DGKI: variants seen among roughly 807,000 people sequenced by gnomAD.
DGKI encodes the protein DAG kinase iota.
DGKI carries 55 observed loss-of-function variants against 147.5 expected under a neutral mutation model. The observed-to-expected ratio is 0.37, with a 90% CI of 0.30 to 0.47. The LOEUF (loss-of-function observed/expected upper bound fraction) is 0.47, where lower values mean the gene tolerates loss of function less well. Among genes scored for constraint, DGKI ranks in the 20% least tolerant of loss-of-function variants. The pLI, the probability that DGKI is intolerant of heterozygous loss-of-function variation, is 1.00. For missense variants in DGKI, 1,007 were observed against 1,323.8 expected, an observed-to-expected ratio of 0.76 and a Z score of 3.71; for synonymous variants, 469 against 477.1, an observed-to-expected ratio of 0.98 and a Z score of 0.22.
intron 14 of DGKI, among the ~76,000 whole-genome samples, chr7:137,582,622 T>C (rs1585254040): frequency 6.6e-6 from 1 of 152,088 alleles, no homozygotes; most frequent in East Asian, 1.9e-4. Flanking sequence ...CCATGAAATC[T>C]GAAAACACAG....
At chr7:137,560,278 CAG>C (rs368944818) in intron 19 of DGKI, among the ~76,000 whole-genome samples, 2 of 152,100 alleles carry the variant, frequency 1.3e-5, no homozygotes, top group Admixed American at 6.5e-5. Context: ...ATCTGAAAAA[CAG>C]AGACAGAAAT....
At chr7:137,418,087 T>C (rs1360775463) in intron 28 of DGKI, among the ~76,000 whole-genome samples, 2 of 152,218 alleles carry the variant, frequency 1.3e-5, no homozygotes, top group Non-Finnish European at 2.9e-5. Flanking sequence ...AATGTCATCA[T>C]GGAGTTACAT....
chr7:137,719,476 T>A (rs1794481679), intron 1 of DGKI, among the ~76,000 whole-genome samples: 1 of 151,800 alleles, frequency 6.6e-6, no homozygotes, highest in Admixed American at 6.6e-5. Flanking sequence ...AGAGTTTTGC[T>A]CCTCCATAGG....
chr7:137,622,757 AACAGGTAC>A (rs1368607225), intron 7 of DGKI, among the ~76,000 whole-genome samples: 1 of 152,206 alleles, frequency 6.6e-6, no homozygotes, highest in African/African-American at 2.4e-5. Flanking sequence ...TAAAAGAAAG[AACAGGTAC>A]ACAGGTACAC....
At position 137,381,835 on chromosome 7, in the gene DGKI, G is replaced by A. The variant is rs1388314428; in HGVS notation, c.*9385C>T. 6.6e-6 allele frequency: 1 copy of A among 152,086 alleles called. No homozygotes were observed. The highest frequency in any genetic ancestry group is 1.5e-5 in the Non-Finnish European group (1 of 68,006). The allele number at this position is 152,086 out of a possible 1,614,324, so 9.4% of individuals were successfully genotyped here. ...TTGTGTTAGAATATTTTGTCTATGA[G>A]AGTTCTAAATCTCCTTCCCCAGGAT... On this transcript the variant is annotated 3_prime_UTR_variant, in exon 33 of 33. Coordinates refer to ENST00000614521, the MANE Select transcript of DGKI (RefSeq NM_001321708.2).
At chr7:137,499,888 AAC>A (rs1216852769) in intron 21 of DGKI, among the ~76,000 whole-genome samples, 1 of 152,156 alleles carries the variant, frequency 6.6e-6, no homozygotes, top group African/African-American at 2.4e-5. Flanking sequence ...AACCTGGACT[AAC>A]ACACACAAAT....
intron 27 of DGKI, among the ~76,000 whole-genome samples, chr7:137,456,648 T>G (rs1225069050): frequency 6.6e-6 from 1 of 152,224 alleles, no homozygotes; most frequent in East Asian, 1.9e-4. Context: ...TGCCAGCTTT[T>G]ACAAATGTAA....
At chr7:137,526,775 C>T (rs1817160633) in intron 20 of DGKI, among the ~76,000 whole-genome samples, 1 of 152,124 alleles carries the variant, frequency 6.6e-6, no homozygotes, top group Non-Finnish European at 1.5e-5. Flanking sequence ...TGTAGAATTT[C>T]AATCCATCAG....
At chr7:137,613,296 T>TA (rs1417374455) in intron 8 of DGKI, among the ~76,000 whole-genome samples, 3 of 152,100 alleles carry the variant, frequency 2.0e-5, no homozygotes, top group Admixed American at 2.0e-4. Context: ...CTTAGTCTAT[T>TA]AAAGCGCATT....
chr7:137,752,558 G>A (rs1176568570), intron 1 of DGKI, among the ~76,000 whole-genome samples: 1 of 152,168 alleles, frequency 6.6e-6, no homozygotes, highest in East Asian at 1.9e-4. Flanking sequence ...GTTACAGATT[G>A]ACCCCTGACC....
chr7:137,431,236 C>T (rs1813058573), intron 28 of DGKI, among the ~76,000 whole-genome samples: 1 of 145,860 alleles, frequency 6.9e-6, no homozygotes, highest in Non-Finnish European at 1.5e-5. Flanking sequence ...TTCTTGCAAT[C>T]TTATAAAATA....
intron 32 of DGKI, among the ~76,000 whole-genome samples, chr7:137,394,858 A>C (rs1377808971): frequency 1.3e-5 from 2 of 152,164 alleles, no homozygotes; most frequent in African/African-American, 2.4e-5. Flanking sequence ...CTGGCACCAA[A>C]TGAGAACCAC....
intron 6 of DGKI, among the ~76,000 whole-genome samples, chr7:137,636,763 G>A (rs1043178230): frequency 5.9e-5 from 9 of 152,196 alleles, no homozygotes; most frequent in African/African-American, 1.9e-4. Context: ...CCCTATGAGT[G>A]GCTTGGTGCT....
At chr7:137,435,182 A>G (rs1044495451) in intron 28 of DGKI, among the ~76,000 whole-genome samples, 2 of 152,252 alleles carry the variant, frequency 1.3e-5, no homozygotes, top group Non-Finnish European at 2.9e-5. Flanking sequence ...GTGCCAGGGC[A>G]CAGCACAGAA....
intron 21 of DGKI, chr7:137,513,878 A>T: frequency 1.4e-6 from 1 of 697,056 alleles, no homozygotes; most frequent in Non-Finnish European, 2.6e-6. Context: ...AAGTGGAGGA[A>T]GAAGCGAATG....
intron 1 of DGKI, among the ~76,000 whole-genome samples, chr7:137,799,613 T>C (rs989470071): frequency 3.3e-5 from 5 of 152,222 alleles, no homozygotes; most frequent in African/African-American, 1.2e-4. Flanking sequence ...ATTATTTTGA[T>C]ATTATGGTTC....
At chr7:137,572,613 C>T (rs957963561) in intron 18 of DGKI, 152 bp downstream of exon 18, 5 of 581,822 alleles carry the variant, frequency 8.6e-6, no homozygotes, top group East Asian at 2.9e-5. Context: ...TAAACCAAAT[C>T]GGAGAATGAA....
chr7:137,733,060 T>C (rs1794928627), intron 1 of DGKI, among the ~76,000 whole-genome samples: 1 of 151,952 alleles, frequency 6.6e-6, no homozygotes, highest in Admixed American at 6.6e-5. Context: ...CCACAACCTT[T>C]GAAATTTTTT....
intron 1 of DGKI, among the ~76,000 whole-genome samples, chr7:137,813,750 T>G (rs1442149185): frequency 6.6e-6 from 1 of 152,204 alleles, no homozygotes; most frequent in East Asian, 1.9e-4. Context: ...AATGCATTTT[T>G]GGCAAGATTT....
Sources: allele counts gnomAD v4.1 joint callset (sites outside exome capture counted in the v4.1 genomes callset), GRCh38; gene constraint gnomAD v4.1.1; transcripts MANE v1.5; gene names NCBI Gene and HGNC (gene_info 2026-07-23, HGNC 2026-07-21).